CYP4F3: variants seen among roughly 807,000 people sequenced by gnomAD.
CYP4F3 encodes the protein cytochrome P450 4F3.
A neutral mutation model predicts 54.8 loss-of-function variants in CYP4F3; 50 were observed. The observed-to-expected ratio is 0.91, with a 90% confidence interval of 0.73 to 1.16. CYP4F3 has a LOEUF of 1.16. CYP4F3 is among the 50% of genes most tolerant of loss of function. The pLI, the probability that CYP4F3 is intolerant of heterozygous loss-of-function variation, is 0.00. For synonymous variants in CYP4F3, 244 were observed against 262.6 expected (o/e 0.93, Z 0.69); for missense variants, 715 against 676.2 (o/e 1.06, Z -0.64).
At chr19:15,642,728 G>A (rs1162864381) in intron 2 of CYP4F3, among the ~76,000 whole-genome samples, 1 of 152,250 alleles carries the variant, frequency 6.6e-6, no homozygotes, top group Admixed American at 6.5e-5. Context: ...CAGGAGGAAT[G>A]TAGACAGATA....
chr19:15,642,602 A>T (rs141380651), intron 2 of CYP4F3, among the ~76,000 whole-genome samples: 134 of 152,346 alleles, frequency 8.8e-4, no homozygotes, highest in Middle Eastern at 6.8e-3. Flanking sequence ...TGACTCCCAG[A>T]ACAAGGAAAT....
At chr19:15,659,109 G>A (rs1456412646) in intron 12 of CYP4F3, 111 bp from the exon 13 acceptor site, 73 of 1,418,332 alleles carry the variant, frequency 5.1e-5, no homozygotes, top group Middle Eastern at 2.6e-4. Flanking sequence ...CCCCTTCTCT[G>A]TTCCTCAAAC....
intron 9 of CYP4F3, among the ~76,000 whole-genome samples, chr19:15,654,266 A>G (rs1972955797): frequency 6.6e-6 from 1 of 152,240 alleles, no homozygotes; most frequent in Admixed American, 6.5e-5. Context: ...TGCATAATAG[A>G]TGCACATAGT....
chr19:15,648,494 G>A (rs1226531367), intron 5 of CYP4F3, among the ~76,000 whole-genome samples: 2 of 152,046 alleles, frequency 1.3e-5, no homozygotes, highest in Non-Finnish European at 1.5e-5. Flanking sequence ...GAACATCAGC[G>A]TGTTGCATTT....
At position 15,649,914 on chromosome 19, in the gene CYP4F3, A is replaced by G. The variant is rs759597693; in HGVS notation, c.649A>G (p.Lys217Glu). The G allele has an allele frequency of 1.2e-6, 2 of 1,613,206 alleles. No homozygotes were observed. Among genetic ancestry groups the G allele is most frequent in the Admixed American group, 3.3e-5 (2 of 59,988 alleles). The part of the protein sequence containing the change: ...VFSFDSHCQE[K>E]PSEYIAAILE... ...TCCCTTTCTGCCCTTATCCTGCAGG[A>G]AGCCCAGTGAATATATTGCCGCCAT... Residue 217 changes from lysine (K) to glutamate (E), a missense_variant and splice_region_variant, in exon 7 of 13, where the codon AAG becomes GAG. Lys to Glu is a moderately conservative substitution (Grantham distance 56). Coordinates refer to ENST00000221307, the MANE Select transcript of CYP4F3 (RefSeq NM_000896.3).
rs1973189590 is a variant in CYP4F3, at chr19:15,661,857, G to A, written c.*2472G>A. 1 of 152,126 alleles carries A rather than the reference G, an allele frequency of 6.6e-6. No individual in the cohort carries two copies. The highest frequency in any genetic ancestry group is 2.1e-4 in the South Asian group (1 of 4,824). The allele number at this position is 152,126 out of a possible 1,614,324, so 9.4% of individuals were successfully genotyped here. A position where few individuals can be genotyped will look rare whatever the true frequency, so the allele number is the denominator to read the frequency against. On this transcript the variant is annotated 3_prime_UTR_variant, in exon 13 of 13. Transcript: ENST00000221307. ...TACATTTTCTTTTAAAAGTTTTATA[G>A]TTTCAGAGTTTACATGTAATTCCAT...
chr19:15,641,245 G>T, intron 1 of CYP4F3, 170 bp from the exon 2 acceptor site: 1 of 784,292 alleles, frequency 1.3e-6, no homozygotes, highest in Non-Finnish European at 2.0e-6. Context: ...TGCTGGTTTT[G>T]GCTGGGCCTT....
chr19:15,650,869 T>TC lies in CYP4F3; in HGVS notation c.918+686_918+687insC, dbSNP rs1156632792. On this transcript the variant is annotated intron_variant, in intron 7 of 12. Transcript: ENST00000221307. ...TTCTTTCTTTCTTTCTTTCTTTCTT[T>TC]TTCTCTCTCTCTCTTTCCTTTTTTT... is the stretch of plus-strand genomic sequence containing the variant. Among the ~76,000 whole-genome samples, 97 of 121,804 alleles carry TC rather than the reference T, an allele frequency of 8.0e-4. 28 individuals are homozygous for TC. The highest frequency in any genetic ancestry group is 2.8e-3 in the East Asian group (11 of 3,892). The allele number at this position is 121,804 out of a possible 152,430, so 79.9% of individuals were successfully genotyped here. A position where few individuals can be genotyped will look rare whatever the true frequency, so the allele number is the denominator to read the frequency against.
chr19:15,653,941 A>T (rs1972944964), intron 9 of CYP4F3, among the ~76,000 whole-genome samples: 1 of 110,640 alleles, frequency 9.0e-6, no homozygotes, highest in African/African-American at 3.9e-5. Context: ...ATAGGGAGCC[A>T]TGAGAAGTGT....
rs1404011740 is a variant in CYP4F3, at chr19:15,645,856, T to TGCTCCAGGTAGACACTGCACTGGCC, written c.337_343+18dup. 12 of 1,607,522 alleles carry TGCTCCAGGTAGACACTGCACTGGCC rather than the reference T, an allele frequency of 7.5e-6. No individual in the cohort carries two copies. Among genetic ancestry groups the TGCTCCAGGTAGACACTGCACTGGCC allele is most frequent in the Non-Finnish European group, 9.4e-6 (11 of 1,176,336 alleles). ...CCACCTACATCAAGCCTGTGCTCTT[T>TGCTCCAGGTAGACACTGCACTGGCC]GCTCCAGGTAGACACTGCACTGGCC... On this transcript the variant is annotated frameshift_variant, in exon 3 of 13. Transcript: ENST00000221307. LOFTEE classifies it high-confidence loss of function.
In CYP4F3 at chr19:15,641,604, C is replaced by T; in HGVS notation, c.189C>T (p.His63=). Residue 63 remains histidine (H), a synonymous_variant, in exon 2 of 13, where the codon CAC becomes CAT. Coordinates refer to ENST00000221307, the MANE Select transcript of CYP4F3 (RefSeq NM_000896.3). ...CGAAACGGAATTGGTTCTTGGGTCA[C>T]CTGGGCCTGGTGAGTGTGGCAGCAG... ...QPPKRNWFLG[H]LGLIHSSEEG... 1 of 1,613,982 alleles carries T rather than the reference C, an allele frequency of 6.2e-7. No individual in the cohort carries two copies. The highest frequency in any genetic ancestry group is 8.5e-7 in the Non-Finnish European group (1 of 1,179,974).
rs1359545575 is a variant in CYP4F3 at position 15,658,752 on chromosome 19, C to A, written c.1340C>A (p.Pro447Gln). The change falls in exon 12 of 13, where the codon CCA becomes CAA. Residue 447 changes from proline to glutamine, a missense_variant. By Grantham distance (76) the Pro-to-Gln change is moderately conservative. Coordinates refer to ENST00000221307, the MANE Select transcript of CYP4F3 (RefSeq NM_000896.3). ...GTCTATGACCCCTTTCGCTTTGACC[C>A]AAAGAACATCAAGGAGAGGTCACCT... ...PEVYDPFRFDPKNIKERSPLA... is the reference protein window; with the variant it reads ...PEVYDPFRFDQKNIKERSPLA... 1.9e-6 allele frequency: 3 copies of A among 1,613,994 alleles called. No homozygotes were observed. Among genetic ancestry groups the A allele is most frequent in the Non-Finnish European group, 2.5e-6 (3 of 1,180,036 alleles).
In CYP4F3 at chr19:15,649,920, A is replaced by C; in HGVS notation, c.655A>C (p.Ser219Arg). The change falls in exon 7 of 13, where the codon AGT becomes CGT. Residue 219 changes from serine to arginine, a missense_variant. By Grantham distance (110) the Ser-to-Arg change is moderately radical (BLOSUM62 -1). Transcript: ENST00000221307. The stretch of plus-strand genomic sequence containing the variant: ...TCTGCCCTTATCCTGCAGGAAGCCC[A>C]GTGAATATATTGCCGCCATCTTGGA... ...SFDSHCQEKP[S>R]EYIAAILELS... The C allele has an allele frequency of 6.2e-7, 1 of 1,613,756 alleles. No homozygotes were observed. The highest frequency in any genetic ancestry group is 8.5e-7 in the Non-Finnish European group (1 of 1,179,696).
chr19:15,653,304 C>A (rs1322107869), intron 9 of CYP4F3, among the ~76,000 whole-genome samples: 1 of 152,164 alleles, frequency 6.6e-6, no homozygotes, highest in Non-Finnish European at 1.5e-5. Context: ...CTTCTGTTCC[C>A]TAATTCCTAC....
intron 5 of CYP4F3, 25 bp downstream of exon 5, chr19:15,647,349 CA>C (rs755024376): frequency 6.2e-7 from 1 of 1,613,660 alleles, no homozygotes; most frequent in Non-Finnish European, 8.5e-7. Context: ...GCCAAGGTCC[CA>C]GCTGCAGCCT....
At chr19:15,650,481 T>C (rs1440928111) in intron 7 of CYP4F3, among the ~76,000 whole-genome samples, 1 of 152,210 alleles carries the variant, frequency 6.6e-6, no homozygotes, top group African/African-American at 2.4e-5. Context: ...TCTATGTTTA[T>C]GTTTTTGCCT....
rs1973136989 is a variant in CYP4F3, at chr19:15,659,562, G to C, written c.*177G>C. 8.2e-7 allele frequency: 1 copy of C among 1,221,906 alleles called. No homozygotes were observed. The highest frequency in any genetic ancestry group is 1.6e-5 in the African/African-American group (1 of 63,038). 75.7% of individuals were successfully genotyped at this position (1,221,906 alleles called of 1,614,324 possible). A position where few individuals can be genotyped will look rare whatever the true frequency, so the allele number is the denominator to read the frequency against. ...CGCTTGTGCGTGAATGTTCATGGCA[G>C]CCCTATTCACAGTAGCCAAACGATG... On this transcript the variant is annotated 3_prime_UTR_variant, in exon 13 of 13. Transcript: ENST00000221307.
intron 7 of CYP4F3, among the ~76,000 whole-genome samples, chr19:15,650,736 C>CTTTCT (rs1972797867): frequency 1.2e-5 from 1 of 84,172 alleles, no homozygotes; most frequent in South Asian, 3.5e-4. Context: ...TTCTTTCTTT[C>CTTTCT]TTTTCCTTCC....
At position 15,645,786 on chromosome 19, in the gene CYP4F3, G is replaced by A. The variant is rs114628890; in HGVS notation, c.266G>A (p.Cys89Tyr). The A allele has an allele frequency of 2.9e-4, 475 of 1,614,178 alleles. 1 individual carries two copies. The African/African-American group carries it at 5.7e-3, about 19-fold the overall frequency. ...GCATGCACCTTCGGTGATATGTGCT[G>A]CTGGTGGGTGGGGCCCTGGCACGCA... ...SLACTFGDMC[C>Y]WWVGPWHAIV... The change falls in exon 3 of 13, where the codon TGC (cysteine) becomes TAC (tyrosine). Residue 89 changes from cysteine (C) to tyrosine (Y), a missense_variant. By Grantham distance (194) the Cys-to-Tyr change is radical. Transcript: ENST00000221307.
Sources: gnomAD v4.1 joint callset for allele counts (sites outside exome capture counted in the v4.1 genomes callset) on GRCh38, gnomAD v4.1.1 for gene constraint, MANE v1.5 for transcripts, NCBI Gene and HGNC (gene_info 2026-07-23, HGNC 2026-07-21) for gene names.